The following ADAMTSL3 variants were observed in gnomAD, a reference collection of about 807,000 sequenced individuals.
ADAMTSL3 encodes the protein ADAMTS-like protein 3.
In ADAMTSL3, 128 loss-of-function variants were observed where a neutral mutation model predicts 201.7. That is an observed-to-expected ratio of 0.63 (90% CI 0.55 to 0.73). The LOEUF (loss-of-function observed/expected upper bound fraction) is 0.73, where lower values mean the gene tolerates loss of function less well. Ranked by LOEUF, ADAMTSL3 falls within the 30% of genes least tolerant of loss-of-function variation. The pLI, the probability that ADAMTSL3 is intolerant of heterozygous loss-of-function variation, is 0.00. For missense variants in ADAMTSL3, 1,990 were observed against 2,119.6 expected (o/e 0.94, Z 1.20); for synonymous variants, 738 against 748.4 (o/e 0.99, Z 0.23).
At chr15:83,983,577 A>G (rs552577657) in intron 21 of ADAMTSL3, among the ~76,000 whole-genome samples, 1 of 152,244 alleles carries the variant, frequency 6.6e-6, no homozygotes, top group African/African-American at 2.4e-5. Context: ...GACTGGATCC[A>G]GCAAGAATAA....
At chr15:83,914,729 T>G (rs2065997412) in intron 16 of ADAMTSL3, among the ~76,000 whole-genome samples, 1 of 152,258 alleles carries the variant, frequency 6.6e-6, no homozygotes, top group Non-Finnish European at 1.5e-5. Context: ...CACAGCACAT[T>G]GTCTGGGTTG....
chr15:83,688,662 A>G (rs2061568655), intron 2 of ADAMTSL3, among the ~76,000 whole-genome samples: 1 of 151,618 alleles, frequency 6.6e-6, no homozygotes, highest in Non-Finnish European at 1.5e-5. Context: ...CTCCTTATTT[A>G]TCTATTGAGC....
intron 6 of ADAMTSL3, among the ~76,000 whole-genome samples, chr15:83,837,010 A>G (rs2064284575): frequency 6.6e-6 from 1 of 152,204 alleles, no homozygotes; most frequent in African/African-American, 2.4e-5. Flanking sequence ...AAGAAATAAA[A>G]AAGAAATATA....
At chr15:83,871,864 G>A (rs1345461867) in intron 9 of ADAMTSL3, among the ~76,000 whole-genome samples, 2 of 152,138 alleles carry the variant, frequency 1.3e-5, no homozygotes, top group Non-Finnish European at 2.9e-5. Context: ...ATGGAAGCTA[G>A]GAAATAGCCC....
chr15:83,858,917 C>A, intron 8 of ADAMTSL3, 77 bp downstream of exon 8: 1 of 1,285,516 alleles, frequency 7.8e-7, no homozygotes, highest in Non-Finnish European at 1.1e-6. Flanking sequence ...AACAAAAAAC[C>A]CACAAACCAA....
chr15:83,745,490 G>A (rs918406784), intron 3 of ADAMTSL3, among the ~76,000 whole-genome samples: 1 of 152,162 alleles, frequency 6.6e-6, no homozygotes, highest in African/African-American at 2.4e-5. Flanking sequence ...GGGGTCATAG[G>A]TACTTCCTCC....
At position 83,773,630 on chromosome 15, in the gene ADAMTSL3, GCGGAGATGTTT is replaced by G; in HGVS notation, c.298_308del (p.Arg100AspfsTer6). ...GTGGGGGAGGAGCATCATATTCTCT[GCGGAGATGTTT>G]GACTGGAAGGTTAGTGGTGGCTTCA... On this transcript the variant is annotated frameshift_variant, in exon 4 of 30. Coordinates refer to ENST00000286744, the MANE Select transcript of ADAMTSL3 (RefSeq NM_207517.3). LOFTEE classifies it high-confidence loss of function. 6.2e-7 allele frequency: 1 copy of G among 1,609,640 alleles called. No individual in the cohort carries two copies.
At chr15:83,834,436 TC>T (rs2064222252) in intron 6 of ADAMTSL3, among the ~76,000 whole-genome samples, 2 of 152,130 alleles carry the variant, frequency 1.3e-5, no homozygotes, top group East Asian at 1.9e-4. Context: ...GTCAGATTTT[TC>T]CCCCAAGTTA....
At chr15:83,886,713 G>C (rs1232626060) in intron 10 of ADAMTSL3, among the ~76,000 whole-genome samples, 2 of 152,118 alleles carry the variant, frequency 1.3e-5, no homozygotes, top group Admixed American at 1.3e-4. Context: ...AATTTACTTA[G>C]AGTCAGAAAC....
intron 21 of ADAMTSL3, among the ~76,000 whole-genome samples, chr15:83,984,396 A>G (rs2067439241): frequency 1.3e-5 from 2 of 152,222 alleles, no homozygotes; most frequent in African/African-American, 4.8e-5. Flanking sequence ...ATAATAAACT[A>G]TTAGGCTATA....
chr15:83,678,847 A>T (rs994195777), intron 2 of ADAMTSL3, among the ~76,000 whole-genome samples: 17 of 145,384 alleles, frequency 1.2e-4, no homozygotes, highest in South Asian at 6.3e-4. Context: ...TATATATATA[A>T]AATATAAATA....
chr15:84,014,558 T>C lies in ADAMTSL3; in HGVS notation c.3990T>C (p.Asn1330=), dbSNP rs766882582. ...GTTCCAAAGGTGTCCCTCAGCCTAA[T>C]ATAACTTGGTTGAAGAGAGGAGGAT... ...RCPVKGVPQP[N]ITWLKRGGSL... is the part of the protein sequence containing the mutation. The change falls in exon 24 of 30, where the codon AAT becomes AAC. Residue 1330 remains asparagine, a synonymous_variant. Coordinates refer to ENST00000286744, the MANE Select transcript of ADAMTSL3 (RefSeq NM_207517.3). The C allele has an allele frequency of 9.3e-6, 15 of 1,613,970 alleles. No individual in the cohort carries two copies. The highest frequency in any genetic ancestry group is 1.0e-5 in the Non-Finnish European group (12 of 1,179,976).
At chr15:83,949,483 A>G (rs1008371137) in intron 19 of ADAMTSL3, among the ~76,000 whole-genome samples, 2 of 152,126 alleles carry the variant, frequency 1.3e-5, no homozygotes, top group African/African-American at 4.8e-5. Flanking sequence ...GATTATAGAT[A>G]GCTCTTTAGT....
chr15:83,922,123 T>C (rs1342145573), intron 16 of ADAMTSL3, among the ~76,000 whole-genome samples: 1 of 152,226 alleles, frequency 6.6e-6, no homozygotes, highest in African/African-American at 2.4e-5. Flanking sequence ...TTTTTCCTTT[T>C]TTAACTTTAA....
chr15:83,783,030 T>TTA (rs556570142), intron 4 of ADAMTSL3, among the ~76,000 whole-genome samples: 115 of 147,618 alleles, frequency 7.8e-4, no homozygotes, highest in African/African-American at 2.1e-3. Context: ...TACGTATATA[T>TTA]TATATATATA....
chr15:83,701,960 TTGGAACTCC>T (rs2061784373), intron 2 of ADAMTSL3, among the ~76,000 whole-genome samples: 1 of 152,112 alleles, frequency 6.6e-6, no homozygotes, highest in African/African-American at 2.4e-5. Context: ...GTGGGAAAGT[TTGGAACTCC>T]GGAGAGACTT....
At chr15:83,817,984 C>T (rs2141901988) in intron 5 of ADAMTSL3, among the ~76,000 whole-genome samples, 2 of 152,006 alleles carry the variant, frequency 1.3e-5, no homozygotes, top group Non-Finnish European at 1.5e-5. Context: ...GGAGGTCCAG[C>T]CTAGGTGACA....
At chr15:83,891,755 T>G (rs546879785) in intron 12 of ADAMTSL3, among the ~76,000 whole-genome samples, 1 of 152,330 alleles carries the variant, frequency 6.6e-6, no homozygotes, top group African/African-American at 2.4e-5. Context: ...ATTTAACAGT[T>G]TAGAGGCAGT....
At chr15:83,978,230 T>G (rs881984) in intron 20 of ADAMTSL3, among the ~76,000 whole-genome samples, 1 of 152,084 alleles carries the variant, frequency 6.6e-6, no homozygotes, top group African/African-American at 2.4e-5. Flanking sequence ...CAGGACCCAG[T>G]AAGCAAGGAG....
Sources: gnomAD v4.1 joint callset for allele counts (sites outside exome capture counted in the v4.1 genomes callset) on GRCh38, gnomAD v4.1.1 for gene constraint, MANE v1.5 for transcripts, NCBI Gene and HGNC (gene_info 2026-07-23, HGNC 2026-07-21) for gene names.